DLC1: variants seen among roughly 807,000 people sequenced by gnomAD.
DLC1 encodes the protein DLC1 Rho GTPase activating protein.
In DLC1, 54 loss-of-function variants were observed where a neutral mutation model predicts 140.3. That is an observed-to-expected ratio of 0.38 (90% CI 0.31 to 0.48). The LOEUF (loss-of-function observed/expected upper bound fraction) is 0.48. Ranked by LOEUF, DLC1 falls within the 20% of genes least tolerant of loss-of-function variation. DLC1 has a pLI of 0.96. For synonymous variants in DLC1, 986 were observed against 728.1 expected, an observed-to-expected ratio of 1.35 and a Z score of -5.70; for missense variants, 2,536 against 1,907.0, an observed-to-expected ratio of 1.33 and a Z score of -6.14.
At chr8:13,359,063 CAG>C (rs1465427741) in intron 4 of DLC1, among the ~76,000 whole-genome samples, 2 of 152,132 alleles carry the variant, frequency 1.3e-5, no homozygotes, top group Non-Finnish European at 2.9e-5. Flanking sequence ...CTCAGCCTCC[CAG>C]GTAGCTGAGA....
At chr8:13,562,338 T>A (rs1489667838) in intron 1 of DLC1, among the ~76,000 whole-genome samples, 1 of 151,636 alleles carries the variant, frequency 6.6e-6, no homozygotes. Flanking sequence ...ATAAATAATA[T>A]TTCCAACATA....
Position 13,100,063 on chromosome 8 carries a change from A to T in DLC1, c.2274T>A (p.Pro758=). 1 of 1,613,420 alleles carries T rather than the reference A, an allele frequency of 6.2e-7. No homozygotes were observed. The highest frequency in any genetic ancestry group is 1.6e-4 in the Middle Eastern group (1 of 6,062). The change falls in exon 9 of 18, where the codon CCT becomes CCA. Residue 758 remains proline (P), a synonymous_variant. Coordinates refer to ENST00000276297, the MANE Select transcript of DLC1 (RefSeq NM_182643.3). The part of the protein sequence containing the change: ...ETSSAVSTPS[P]VTRTRSLSAC... ...CACTGAGGCTCCGGGTCCTCGTAAC[A>T]GGGCTGGGCGTGCTGACCGCGCTGC...
chr8:13,269,717 A>AAG (rs1830842588), intron 5 of DLC1, among the ~76,000 whole-genome samples: 1 of 129,934 alleles, frequency 7.7e-6, no homozygotes, highest in Non-Finnish European at 1.8e-5. Context: ...AAAAAAAAAA[A>AAG]AAAAAAAAGA....
chr8:13,175,424 T>A (rs906593837), intron 5 of DLC1, among the ~76,000 whole-genome samples: 28 of 151,832 alleles, frequency 1.8e-4, no homozygotes, highest in African/African-American at 6.8e-4. Context: ...TTGATAGAAA[T>A]AGCACTGAAT....
In DLC1 at chr8:13,509,331, A is replaced by G. The variant is rs142773893; in HGVS notation, c.-126+5271T>C. On this transcript the variant is annotated intron_variant, in intron 1 of 17. Coordinates refer to ENST00000276297, the MANE Select transcript of DLC1 (RefSeq NM_182643.3). ...CATTTTTAGTCATTCCATAAGCACA[A>G]TTTTCACTGAAATCAGGAACAAGAT... Among the ~76,000 whole-genome samples, 7 of 152,262 alleles carry G rather than the reference A, an allele frequency of 4.6e-5. No homozygotes were observed. In the East Asian group the frequency reaches 7.7e-4, roughly 17 times the overall value.
chr8:13,344,393 T>C (rs1834219492), intron 4 of DLC1, among the ~76,000 whole-genome samples: 1 of 152,154 alleles, frequency 6.6e-6, no homozygotes, highest in Non-Finnish European at 1.5e-5. Flanking sequence ...CTTGGGAGGC[T>C]GAGGCAGGAG....
intron 2 of DLC1, among the ~76,000 whole-genome samples, chr8:13,434,960 G>T (rs75858973): frequency 5.3e-5 from 8 of 150,298 alleles, no homozygotes; most frequent in African/African-American, 2.0e-4. Flanking sequence ...GATTACAGGC[G>T]TGACCCCCCC....
intron 1 of DLC1, among the ~76,000 whole-genome samples, chr8:13,535,357 T>G (rs117889136): frequency 0.015 from 2,216 of 152,092 alleles, 34 homozygotes; most frequent in South Asian, 0.074. Context: ...AAAGAAGCAA[T>G]TATAGATCTT....
At chr8:13,141,788 G>A (rs537249873) in intron 5 of DLC1, among the ~76,000 whole-genome samples, 1 of 152,320 alleles carries the variant, frequency 6.6e-6, no homozygotes, top group South Asian at 2.1e-4. Flanking sequence ...GGCTTTTCAT[G>A]TGTAACTAAC....
intron 5 of DLC1, among the ~76,000 whole-genome samples, chr8:13,239,004 G>T (rs756656863): frequency 1.3e-5 from 2 of 152,108 alleles, no homozygotes; most frequent in Non-Finnish European, 2.9e-5. Flanking sequence ...AACAAAACTC[G>T]GCAGTGTGAT....
intron 4 of DLC1, among the ~76,000 whole-genome samples, chr8:13,328,139 C>G (rs969223267): frequency 4.6e-5 from 7 of 152,252 alleles, no homozygotes; most frequent in African/African-American, 1.4e-4. Flanking sequence ...TGCTAATAAG[C>G]ACTGAGCACC....
chr8:13,412,874 G>T (rs1384497949), intron 2 of DLC1, among the ~76,000 whole-genome samples: 1 of 140,862 alleles, frequency 7.1e-6, no homozygotes, highest in Non-Finnish European at 1.5e-5. Flanking sequence ...GGAGCTTGCA[G>T]TAAGCTGAGA....
At chr8:13,230,474 T>A (rs1563183200) in intron 5 of DLC1, among the ~76,000 whole-genome samples, 1 of 152,224 alleles carries the variant, frequency 6.6e-6, no homozygotes, top group Non-Finnish European at 1.5e-5. Flanking sequence ...AGAGCTAATA[T>A]CACTCTTCCT....
intron 5 of DLC1, among the ~76,000 whole-genome samples, chr8:13,223,566 C>T (rs1045870095): frequency 1.3e-5 from 2 of 152,140 alleles, no homozygotes; most frequent in African/African-American, 4.8e-5. Context: ...CTTAGTTTAA[C>T]TTAATGTTCC....
intron 5 of DLC1, among the ~76,000 whole-genome samples, chr8:13,196,987 C>T (rs1485522201): frequency 6.6e-6 from 1 of 152,176 alleles, no homozygotes; most frequent in Non-Finnish European, 1.5e-5. Context: ...TATGTTTATG[C>T]AAGACAAAGT....
At chr8:13,312,337 G>A (rs1832701079) in intron 4 of DLC1, among the ~76,000 whole-genome samples, 1 of 100,158 alleles carries the variant, frequency 1.0e-5, no homozygotes, top group Non-Finnish European at 1.9e-5. Context: ...CTCCAGCCTG[G>A]GCGACAGAGC....
chr8:13,186,591 G>C (rs1484086503), intron 5 of DLC1, among the ~76,000 whole-genome samples: 1 of 152,142 alleles, frequency 6.6e-6, no homozygotes, highest in Non-Finnish European at 1.5e-5. Flanking sequence ...CAATGGGTTT[G>C]AACATCCTCC....
At chr8:13,420,192 G>T (rs544196886) in intron 2 of DLC1, among the ~76,000 whole-genome samples, 3 of 151,914 alleles carry the variant, frequency 2.0e-5, no homozygotes, top group African/African-American at 7.3e-5. Context: ...TTTTTGAAGG[G>T]TTTTTTGTGT....
intron 4 of DLC1, among the ~76,000 whole-genome samples, chr8:13,356,052 T>A (rs1834928627): frequency 8.7e-6 from 1 of 115,028 alleles, no homozygotes; most frequent in African/African-American, 3.4e-5. Context: ...ATCGCGCCAC[T>A]GCACTGCAGC....
Sources: gnomAD v4.1 joint callset for allele counts (sites outside exome capture counted in the v4.1 genomes callset) on GRCh38, gnomAD v4.1.1 for gene constraint, MANE v1.5 for transcripts, NCBI Gene and HGNC (gene_info 2026-07-23, HGNC 2026-07-21) for gene names.